GRK3: variants seen among roughly 807,000 people sequenced by gnomAD.
GRK3 encodes G protein-coupled receptor kinase 3, also known as adrenergic, beta, receptor kinase 2.
Under a neutral mutation model 95.7 loss-of-function variants are expected in GRK3, and 54 were observed. The observed-to-expected ratio is 0.56, with a 90% confidence interval of 0.45 to 0.71. The LOEUF is 0.71. GRK3 is among the 30% of genes least tolerant of loss of function. GRK3 has a pLI of 0.00. For synonymous variants in GRK3, 281 were observed against 290.8 expected (o/e 0.97, Z 0.34); for missense variants, 649 against 851.2 (o/e 0.76, Z 2.96).
At chr22:25,621,373 C>T (rs1168730196) in intron 2 of GRK3, among the ~76,000 whole-genome samples, 1 of 152,138 alleles carries the variant, frequency 6.6e-6, no homozygotes, top group Non-Finnish European at 1.5e-5. Context: ...GATAATTGCC[C>T]AGAACTAGTA....
intron 8 of GRK3, among the ~76,000 whole-genome samples, chr22:25,678,353 G>C (rs1405741902): frequency 3.3e-5 from 5 of 152,170 alleles, no homozygotes; most frequent in Admixed American, 1.3e-4. Flanking sequence ...TACTTGGAAG[G>C]CTGAGACAGG....
intron 2 of GRK3, among the ~76,000 whole-genome samples, chr22:25,636,702 CCAGT>C (rs1243568478): frequency 6.6e-6 from 1 of 152,074 alleles, no homozygotes; most frequent in Non-Finnish European, 1.5e-5. Context: ...ATGCCTCTTC[CCAGT>C]CAATTTCATG....
At chr22:25,689,879 A>G (rs2085151494) in intron 11 of GRK3, among the ~76,000 whole-genome samples, 1 of 152,192 alleles carries the variant, frequency 6.6e-6, no homozygotes, top group Non-Finnish European at 1.5e-5. Context: ...AGTCCTTGGT[A>G]CAGTGAAAAG....
intron 1 of GRK3, among the ~76,000 whole-genome samples, chr22:25,586,180 C>T (rs1299898880): frequency 1.3e-5 from 2 of 152,348 alleles, no homozygotes; most frequent in East Asian, 1.9e-4. Flanking sequence ...CTTTGGTATG[C>T]AACAGTGTTG....
intron 12 of GRK3, among the ~76,000 whole-genome samples, chr22:25,692,962 C>T (rs1408892477): frequency 1.3e-5 from 2 of 152,250 alleles, no homozygotes; most frequent in African/African-American, 4.8e-5. Context: ...CTTCCAGCGG[C>T]TGGCCCATCT....
chr22:25,582,601 A>G (rs1387485501), intron 1 of GRK3, among the ~76,000 whole-genome samples: 2 of 152,214 alleles, frequency 1.3e-5, no homozygotes, highest in Admixed American at 1.3e-4. Flanking sequence ...AAGTAAAACA[A>G]TGGAGATTTG....
At chr22:25,618,075 G>T (rs1227575831) in intron 2 of GRK3, among the ~76,000 whole-genome samples, 1 of 152,192 alleles carries the variant, frequency 6.6e-6, no homozygotes, top group African/African-American at 2.4e-5. Flanking sequence ...GCCCAGCCAG[G>T]ATTTTGTTTC....
intron 11 of GRK3, among the ~76,000 whole-genome samples, chr22:25,687,960 G>C (rs1384811807): frequency 1.3e-5 from 2 of 152,214 alleles, no homozygotes; most frequent in African/African-American, 4.8e-5. Flanking sequence ...ATTTAGGCCA[G>C]GTGCGGTGGC....
At chr22:25,650,232 G>A (rs553283435) in intron 3 of GRK3, among the ~76,000 whole-genome samples, 2 of 151,998 alleles carry the variant, frequency 1.3e-5, no homozygotes, top group Admixed American at 6.6e-5. Flanking sequence ...TAGTAGAGAC[G>A]GGGTTTCACC....
At position 25,690,232 on chromosome 22, in the gene GRK3, C is replaced by T. The variant is rs1368350089; in HGVS notation, c.1001C>T (p.Ser334Leu). 6.2e-7 allele frequency: 1 copy of T among 1,614,116 alleles called. No individual in the cohort carries two copies. Among genetic ancestry groups the T allele is most frequent in the Non-Finnish European group, 8.5e-7 (1 of 1,179,976 alleles). The change falls in exon 12 of 21, where the codon TCA becomes TTA. Residue 334 changes from serine (S) to leucine (L), a missense_variant. Ser to Leu is a moderately radical substitution (Grantham distance 145). Around this residue, in one of 3 missense-constraint regions of GRK3, gnomAD observed 382 missense variants for 493.8 expected, o/e 0.77. Coordinates refer to ENST00000324198, the MANE Select transcript of GRK3 (RefSeq NM_005160.4). Reference sequence around the variant, plus strand: ...GATGAACATGGACACGCAAGAATATCAGATCTTGGTCTTGCCTGCGATTTT... The same window carrying T: ...GATGAACATGGACACGCAAGAATATTAGATCTTGGTCTTGCCTGCGATTTT... ...LLDEHGHARI[S>L]DLGLACDFSK... is the part of the protein sequence containing the mutation.
intron 1 of GRK3, among the ~76,000 whole-genome samples, chr22:25,578,137 T>C (rs569742547): frequency 6.6e-6 from 1 of 152,230 alleles, no homozygotes; most frequent in African/African-American, 2.4e-5. Flanking sequence ...TTGAAATTCA[T>C]GATTTTTTTT....
intron 2 of GRK3, among the ~76,000 whole-genome samples, chr22:25,637,906 T>A (rs2084714418): frequency 2.0e-5 from 3 of 152,202 alleles, no homozygotes; most frequent in African/African-American, 7.2e-5. Flanking sequence ...CTCCCTTCCC[T>A]GGGGCATCTG....
chr22:25,675,226 A>T lies in GRK3; in HGVS notation c.647+698A>T, dbSNP rs2085018483. Among the ~76,000 whole-genome samples, 3 of 152,168 alleles carry T rather than the reference A, an allele frequency of 2.0e-5. No individual in the cohort carries two copies. The South Asian group carries it at 6.2e-4, about 32-fold the overall frequency. On this transcript the variant is annotated intron_variant, in intron 8 of 20. Transcript: ENST00000324198. ...TCTTTTAAATAAAGACTCACCGACG[A>T]TGAAGTGAAGCATAAGCCGTTGTGG...
chr22:25,671,598 C>T (rs182314621), intron 6 of GRK3, among the ~76,000 whole-genome samples: 121 of 152,276 alleles, frequency 7.9e-4, no homozygotes, highest in Non-Finnish European at 1.5e-3. Flanking sequence ...TCCACTCTCC[C>T]ACTCTGTCAC....
At chr22:25,711,670 C>T (rs1206208665) in intron 17 of GRK3, among the ~76,000 whole-genome samples, 2 of 151,998 alleles carry the variant, frequency 1.3e-5, no homozygotes, top group East Asian at 3.9e-4. Flanking sequence ...AGAGACAAGA[C>T]ATAATTAGAG....
In GRK3 at chr22:25,588,894, G is replaced by T. The variant is rs373997571; in HGVS notation, c.114-15483G>T. ...AGTAATTCTCCTACCTCAGCCTCCT[G>T]AGTAACTGAGACTACAGGTTCATGC... On this transcript the variant is annotated intron_variant, in intron 1 of 20. Transcript: ENST00000324198. 2.0e-5 allele frequency among the ~76,000 whole-genome samples: 3 copies of T among 151,434 alleles called. No homozygotes were observed. In the East Asian group the frequency reaches 5.9e-4, roughly 30 times the overall value.
At chr22:25,722,144 T>C (rs2085437338) in intron 20 of GRK3, 145 bp from the exon 21 acceptor site, 2 of 834,170 alleles carry the variant, frequency 2.4e-6, no homozygotes, top group Non-Finnish European at 3.8e-6. Context: ...GCGTGACCCA[T>C]CAGCTAGTAA....
At chr22:25,697,864 C>T (rs145649934) in intron 13 of GRK3, among the ~76,000 whole-genome samples, 2 of 152,294 alleles carry the variant, frequency 1.3e-5, no homozygotes, top group African/African-American at 4.8e-5. Context: ...GAATCTCCCC[C>T]ACTAGGATTT....
At chr22:25,701,488 A>G (rs1005579704) in intron 13 of GRK3, among the ~76,000 whole-genome samples, 3 of 152,256 alleles carry the variant, frequency 2.0e-5, no homozygotes, top group African/African-American at 7.2e-5. Flanking sequence ...TGAGCCGGAC[A>G]TGGAATCGCT....
Sources: allele counts gnomAD v4.1 joint callset (sites outside exome capture counted in the v4.1 genomes callset), GRCh38; gene constraint gnomAD v4.1.1; regional missense constraint gnomAD v4.1.1; transcripts MANE v1.5; gene names NCBI Gene and HGNC (gene_info 2026-07-23, HGNC 2026-07-21).